SEL1L: variants seen among roughly 807,000 people sequenced by gnomAD.
SEL1L encodes SEL1L adaptor subunit of SYVN1 ubiquitin ligase, also known as protein sel-1 homolog 1.
A neutral mutation model predicts 109.8 loss-of-function variants in SEL1L; 52 were observed. The ratio of observed to expected loss-of-function variants is 0.47; its 90% CI spans 0.38 to 0.60. SEL1L has a LOEUF of 0.60. Ranked by LOEUF, SEL1L falls within the 20% of genes least tolerant of loss-of-function variation. SEL1L has a pLI of 0.00. For synonymous variants in SEL1L, 373 were observed against 339.6 expected, an observed-to-expected ratio of 1.10 and a Z score of -1.08; for missense variants, 749 against 962.2, an observed-to-expected ratio of 0.78 and a Z score of 2.93.
chr14:81,509,488 A>T (rs775619131), intron 3 of SEL1L, among the ~76,000 whole-genome samples: 2 of 152,218 alleles, frequency 1.3e-5, no homozygotes, highest in Admixed American at 6.5e-5. Flanking sequence ...CTCTACAATT[A>T]ATGACACAGT....
intron 6 of SEL1L, among the ~76,000 whole-genome samples, chr14:81,500,412 AT>A (rs1205428175): frequency 6.7e-6 from 1 of 150,096 alleles, no homozygotes; most frequent in African/African-American, 2.5e-5. Flanking sequence ...TCCTTTTTGT[AT>A]TTTTAGTAGA....
At chr14:81,518,560 T>C (rs1884790188) in intron 3 of SEL1L, among the ~76,000 whole-genome samples, 1 of 147,540 alleles carries the variant, frequency 6.8e-6, no homozygotes, top group African/African-American at 2.5e-5. Context: ...CTTGGGAGAC[T>C]GAGGCAGGAG....
chr14:81,517,563 C>G (rs1419835659), intron 3 of SEL1L, among the ~76,000 whole-genome samples: 1 of 152,112 alleles, frequency 6.6e-6, no homozygotes, highest in Non-Finnish European at 1.5e-5. Context: ...ATTCCAGGAT[C>G]TTCCCTGGCA....
At chr14:81,514,217 C>T (rs1185939433) in intron 3 of SEL1L, among the ~76,000 whole-genome samples, 1 of 152,228 alleles carries the variant, frequency 6.6e-6, no homozygotes, top group Non-Finnish European at 1.5e-5. Context: ...TTTAGGATCC[C>T]TCCTCAGGGT....
rs761733920 is a variant in SEL1L, at chr14:81,487,371, C to A, written c.1632+19G>T. The A allele has an allele frequency of 1.3e-6, 2 of 1,554,036 alleles. No homozygotes were observed. The highest frequency in any genetic ancestry group is 1.7e-6 in the Non-Finnish European group (2 of 1,159,736). ...GGCAAATCAACTCCCTACACACAAG[C>A]TGGTAGGAAAGACCTTACCTCCACT... On this transcript the variant is annotated intron_variant, in intron 16 of 20. Transcript: ENST00000336735.
chr14:81,475,214 C>T lies in SEL1L; in HGVS notation c.*1758G>A, dbSNP rs1209886041. On this transcript the variant is annotated 3_prime_UTR_variant, in exon 21 of 21. Transcript: ENST00000336735. ...CAAGTCTCACTATTTACAAGAGTTGCCTAAAGCAACATTACACTTAGGGGG... is the reference window on the plus strand; with the variant it reads ...CAAGTCTCACTATTTACAAGAGTTGTCTAAAGCAACATTACACTTAGGGGG... 1.3e-5 allele frequency: 2 copies of T among 152,152 alleles called. No homozygotes were observed. The highest frequency in any genetic ancestry group is 2.9e-5 in the Non-Finnish European group (2 of 68,014). 9.4% of individuals were successfully genotyped at this position (152,152 alleles called of 1,614,324 possible).
chr14:81,489,015 G>T (rs1038992655), intron 14 of SEL1L: 30 of 527,722 alleles, frequency 5.7e-5, no homozygotes, highest in Non-Finnish European at 9.6e-5. Flanking sequence ...GGAAGAACAA[G>T]AAACAACTCC....
chr14:81,527,646 T>C, intron 2 of SEL1L, 55 bp downstream of exon 2: 1 of 1,304,440 alleles, frequency 7.7e-7, no homozygotes, highest in Non-Finnish European at 1.1e-6. Flanking sequence ...AGATACATAA[T>C]TCATCCTTTT....
At position 81,533,846 on chromosome 14, in the gene SEL1L, A is replaced by T; in HGVS notation, c.-102T>A. 8.2e-7 allele frequency: 1 copy of T among 1,224,116 alleles called. No individual in the cohort carries two copies. Among genetic ancestry groups the T allele is most frequent in the Non-Finnish European group, 1.2e-6 (1 of 855,124 alleles). The allele number at this position is 1,224,116 out of a possible 1,614,324, so 75.8% of individuals were successfully genotyped here. A position where few individuals can be genotyped will look rare whatever the true frequency, so the allele number is the denominator to read the frequency against. ...GCCTCGCCGCTGCTCTTCCTGCTCT[A>T]GTCTCCTTCCTCCGCCCCTTCCCAG... On this transcript the variant is annotated 5_prime_UTR_variant, in exon 1 of 21. Coordinates refer to ENST00000336735, the MANE Select transcript of SEL1L (RefSeq NM_005065.6).
intron 3 of SEL1L, among the ~76,000 whole-genome samples, chr14:81,512,246 C>T (rs541267108): frequency 6.6e-6 from 1 of 152,328 alleles, no homozygotes; most frequent in Admixed American, 6.5e-5. Flanking sequence ...AGAATGAAGA[C>T]TGAACCCTAT....
rs67769195 is a variant in SEL1L at position 81,499,903 on chromosome 14, CTTTT to C, written c.778-245_778-242del. On this transcript the variant is annotated intron_variant, in intron 6 of 20. Transcript: ENST00000336735. ...TAAAAAAAATTTTATTTATTTGTGG[CTTTT>C]TTTTTTTTTTTTTTTTGAGACAGGG... Among the ~76,000 whole-genome samples, 107 of 119,176 alleles carry C rather than the reference CTTTT, an allele frequency of 9.0e-4. 1 individual carries two copies. The highest frequency in any genetic ancestry group is 1.3e-3 in the Non-Finnish European group (75 of 57,100). 78.2% of individuals were successfully genotyped at this position (119,176 alleles called of 152,430 possible). A position where few individuals can be genotyped will look rare whatever the true frequency, so the allele number is the denominator to read the frequency against.
chr14:81,525,161 A>T (rs1885064035), intron 3 of SEL1L, among the ~76,000 whole-genome samples: 1 of 152,220 alleles, frequency 6.6e-6, no homozygotes, highest in Non-Finnish European at 1.5e-5. Flanking sequence ...GTAGGGTAGT[A>T]AAGATGAAAA....
intron 9 of SEL1L, 115 bp from the exon 10 acceptor site, chr14:81,498,161 G>C: frequency 9.3e-7 from 1 of 1,071,768 alleles, no homozygotes; most frequent in South Asian, 1.6e-5. Flanking sequence ...AAAGGAAGCT[G>C]TTTTTACAGT....
chr14:81,526,605 T>C, intron 3 of SEL1L, 128 bp downstream of exon 3: 4 of 725,122 alleles, frequency 5.5e-6, no homozygotes, highest in Non-Finnish European at 9.3e-6. Context: ...CTCTCCAAAC[T>C]ACACTCCATA....
intron 3 of SEL1L, among the ~76,000 whole-genome samples, chr14:81,520,955 C>A (rs777681769): frequency 6.6e-5 from 10 of 151,672 alleles, no homozygotes; most frequent in Non-Finnish European, 1.3e-4. Flanking sequence ...GGAGCACAGT[C>A]TAATTGAGGA....
In SEL1L at chr14:81,481,799, G is replaced by A. The variant is rs182100395; in HGVS notation, c.2047-2059C>T. 1.9e-4 allele frequency among the ~76,000 whole-genome samples: 29 copies of A among 152,202 alleles called. No individual in the cohort carries two copies. In the East Asian group the frequency reaches 2.1e-3, roughly 11 times the overall value. ...TGTAATCCCAGCACTTTGGGAGACC[G>A]AGGCAGGTGGCTCATGAGGTCAGGA... On this transcript the variant is annotated intron_variant, in intron 19 of 20. Transcript: ENST00000336735.
intron 6 of SEL1L, among the ~76,000 whole-genome samples, chr14:81,501,542 C>G (rs1288595195): frequency 1.3e-5 from 2 of 152,098 alleles, no homozygotes; most frequent in African/African-American, 2.4e-5. Context: ...GAGGAAAGAG[C>G]TGCAGAATTG....
chr14:81,493,378 C>T (rs1460924749), intron 11 of SEL1L, among the ~76,000 whole-genome samples: 1 of 152,038 alleles, frequency 6.6e-6, no homozygotes, highest in Non-Finnish European at 1.5e-5. Context: ...GACATGGTGG[C>T]ATGCACCTGT....
intron 20 of SEL1L, 121 bp from the exon 21 acceptor site, chr14:81,477,302 A>AGT (rs1566968635): frequency 7.4e-6 from 3 of 403,928 alleles, no homozygotes; most frequent in African/African-American, 6.0e-5. Context: ...AACGTTTTGC[A>AGT]ATGTGTGTGT....
Sources: allele counts gnomAD v4.1 joint callset (sites outside exome capture counted in the v4.1 genomes callset), GRCh38; gene constraint gnomAD v4.1.1; transcripts MANE v1.5; gene names NCBI Gene and HGNC (gene_info 2026-07-23, HGNC 2026-07-21).